PTPRK: variants seen among roughly 807,000 people sequenced by gnomAD.
PTPRK encodes the protein protein tyrosine phosphatase receptor type K.
A neutral mutation model predicts 178.0 loss-of-function variants in PTPRK; 75 were observed. The ratio of observed to expected loss-of-function variants is 0.42; its 90% CI spans 0.35 to 0.51. The LOEUF (loss-of-function observed/expected upper bound fraction) is 0.51. PTPRK is among the 20% of genes least tolerant of loss of function. PTPRK has a pLI of 0.02. For missense variants in PTPRK, 1,441 were observed against 1,797.8 expected, an observed-to-expected ratio of 0.80 and a Z score of 3.59; for synonymous variants, 637 against 620.6, an observed-to-expected ratio of 1.03 and a Z score of -0.39.
At chr6:128,120,277 T>C (rs1220005799) in intron 7 of PTPRK, among the ~76,000 whole-genome samples, 1 of 151,958 alleles carries the variant, frequency 6.6e-6, no homozygotes, top group African/African-American at 2.4e-5. Context: ...TCAAATAATA[T>C]GTAAAAATTG....
intron 14 of PTPRK, among the ~76,000 whole-genome samples, chr6:128,008,597 T>C (rs779808338): frequency 1.3e-5 from 2 of 151,148 alleles, no homozygotes; most frequent in Non-Finnish European, 3.0e-5. Context: ...TATTAGTTGA[T>C]ATAGTATAAA....
intron 3 of PTPRK, among the ~76,000 whole-genome samples, chr6:128,276,335 C>CTCA (rs1820726406): frequency 6.6e-6 from 1 of 152,054 alleles, no homozygotes. Context: ...TCATTCTTTT[C>CTCA]TCATTATCCT....
intron 3 of PTPRK, among the ~76,000 whole-genome samples, chr6:128,287,438 A>G (rs192676742): frequency 6.6e-5 from 10 of 152,324 alleles, no homozygotes; most frequent in Admixed American, 5.9e-4. Context: ...GAGCAAAAGC[A>G]GAGTTTCTCC....
At chr6:128,059,758 TA>T (rs2114909177) in intron 13 of PTPRK, among the ~76,000 whole-genome samples, 1 of 152,266 alleles carries the variant, frequency 6.6e-6, no homozygotes, top group African/African-American at 2.4e-5. Context: ...TTAATTTCCA[TA>T]AAAGCAAAAT....
intron 1 of PTPRK, among the ~76,000 whole-genome samples, chr6:128,436,926 T>C (rs1034421687): frequency 1.3e-5 from 2 of 152,170 alleles, no homozygotes; most frequent in Non-Finnish European, 2.9e-5. Flanking sequence ...CTGTACAACG[T>C]TACACCTATA....
chr6:128,023,852 T>C (rs1773895884), intron 13 of PTPRK, among the ~76,000 whole-genome samples: 1 of 150,634 alleles, frequency 6.6e-6, no homozygotes. Flanking sequence ...TTTTTTTTGG[T>C]AGAGGTGAGG....
chr6:128,404,485 G>A (rs1841415514), intron 1 of PTPRK, among the ~76,000 whole-genome samples: 1 of 152,194 alleles, frequency 6.6e-6, no homozygotes, highest in Non-Finnish European at 1.5e-5. Flanking sequence ...CAAGGAATCA[G>A]CTATTAAAAG....
chr6:128,172,190 CT>C (rs1800359394), intron 7 of PTPRK, among the ~76,000 whole-genome samples: 3 of 152,058 alleles, frequency 2.0e-5, no homozygotes, highest in South Asian at 4.1e-4. Flanking sequence ...ACTGGAACAG[CT>C]TAGGGAATGA....
chr6:128,278,281 CA>C (rs1251544276), intron 3 of PTPRK, among the ~76,000 whole-genome samples: 6 of 152,002 alleles, frequency 3.9e-5, no homozygotes, highest in Non-Finnish European at 5.9e-5. Flanking sequence ...CTCAGCCTCC[CA>C]AGTAGCTGGG....
At chr6:128,475,042 C>G (rs1228650178) in intron 1 of PTPRK, among the ~76,000 whole-genome samples, 2 of 152,076 alleles carry the variant, frequency 1.3e-5, no homozygotes, top group African/African-American at 2.4e-5. Context: ...AAATTCAAAC[C>G]CTGCCTTTGT....
intron 19 of PTPRK, among the ~76,000 whole-genome samples, chr6:127,992,362 C>T (rs1197620006): frequency 6.6e-6 from 1 of 151,650 alleles, no homozygotes; most frequent in African/African-American, 2.4e-5. Flanking sequence ...TTTTCCTTTC[C>T]TCAAAAATGA....
chr6:128,034,427 T>G (rs952086399), intron 13 of PTPRK, among the ~76,000 whole-genome samples: 1 of 152,250 alleles, frequency 6.6e-6, no homozygotes. Flanking sequence ...AAACTCTTCT[T>G]TGAAGAAATA....
intron 11 of PTPRK, among the ~76,000 whole-genome samples, chr6:128,077,943 G>A (rs17055267): frequency 0.045 from 6,874 of 151,952 alleles, 517 homozygotes; most frequent in African/African-American, 0.16. Flanking sequence ...GGAACAATTC[G>A]GGAATTAAAA....
At chr6:128,076,214 A>G (rs535034363) in intron 11 of PTPRK, among the ~76,000 whole-genome samples, 4 of 152,194 alleles carry the variant, frequency 2.6e-5, no homozygotes, top group African/African-American at 9.6e-5. Flanking sequence ...AGGAAAAATG[A>G]TTACATTAAA....
intron 3 of PTPRK, among the ~76,000 whole-genome samples, chr6:128,284,162 T>C (rs926647510): frequency 6.6e-6 from 1 of 152,182 alleles, no homozygotes; most frequent in Admixed American, 6.5e-5. Flanking sequence ...CAATTTGGAC[T>C]TCTGTAATTC....
chr6:128,335,880 C>A (rs1562306730), intron 2 of PTPRK, among the ~76,000 whole-genome samples: 1 of 152,056 alleles, frequency 6.6e-6, no homozygotes, highest in African/African-American at 2.4e-5. Context: ...AATAATTGAG[C>A]AAAGTATAAT....
chr6:128,241,360 G>C (rs1814413884), intron 4 of PTPRK: 1 of 524,952 alleles, frequency 1.9e-6, no homozygotes, highest in Non-Finnish European at 3.9e-6. Flanking sequence ...CCCCACCCCA[G>C]ACCTATTCAA....
intron 7 of PTPRK, among the ~76,000 whole-genome samples, chr6:128,170,409 A>G (rs1177908300): frequency 6.6e-6 from 1 of 152,112 alleles, no homozygotes; most frequent in Non-Finnish European, 1.5e-5. Flanking sequence ...AACAAGAACA[A>G]CAAAAAACTC....
At chr6:128,402,487 C>T (rs1195722519) in intron 1 of PTPRK, among the ~76,000 whole-genome samples, 1 of 152,104 alleles carries the variant, frequency 6.6e-6, no homozygotes, top group African/African-American at 2.4e-5. Context: ...CTCTTGACCT[C>T]GTGATCCACC....
Sources: allele counts gnomAD v4.1 joint callset (sites outside exome capture counted in the v4.1 genomes callset), GRCh38; gene constraint gnomAD v4.1.1; transcripts MANE v1.5; gene names NCBI Gene and HGNC (gene_info 2026-07-23, HGNC 2026-07-21).